The following GGA1 variants were observed in gnomAD, a reference collection of about 807,000 sequenced individuals.
GGA1 encodes the protein golgi associated, gamma adaptin ear containing, ARF binding protein 1.
In GGA1, 18 loss-of-function variants were observed where a neutral mutation model predicts 76.9. That is an observed-to-expected ratio of 0.23 (90% confidence interval 0.16 to 0.35). GGA1 has a LOEUF of 0.35. Ranked by LOEUF, GGA1 falls within the 10% of genes least tolerant of loss-of-function variation. The pLI, the probability that GGA1 is intolerant of heterozygous loss-of-function variation, is 1.00. For synonymous variants in GGA1, 342 were observed against 354.7 expected (o/e 0.96, Z 0.40); for missense variants, 755 against 859.0 (o/e 0.88, Z 1.51).
At position 37,630,019 on chromosome 22, in the gene GGA1, C is replaced by T. The variant is rs751250760; in HGVS notation, c.1180C>T (p.Pro394Ser). 1 of 1,579,198 alleles carries T rather than the reference C, an allele frequency of 6.3e-7. No homozygotes were observed. The highest frequency in any genetic ancestry group is 1.4e-5 in the African/African-American group (1 of 73,294). ...SFQSSDATEP[P>S]APALAQAPSM... ...ACAGTCGTCGGATGCCACTGAGCCC[C>T]CAGCCCCTGCTCTGGCCCAGGCCCC... The change falls in exon 13 of 17, where the codon CCA becomes TCA. Residue 394 changes from proline to serine, a missense_variant. Transcript: ENST00000343632.
rs771227422 is a variant in GGA1, at chr22:37,620,407, TC to T, written c.427+51del. The stretch of plus-strand genomic sequence containing the variant: ...GGGGCGACCAGGGCCTGCCTTCCCC[TC>T]CCCCACCATGAGCTGGGGCTCCAGC... On this transcript the variant is annotated intron_variant, in intron 5 of 16. Transcript: ENST00000343632. 1.9e-6 allele frequency: 3 copies of T among 1,605,068 alleles called. No homozygotes were observed. In the Admixed American group the frequency reaches 5.0e-5, roughly 27 times the overall value.
intron 1 of GGA1, chr22:37,612,906 A>C (rs1449860065): frequency 1.0e-6 from 1 of 985,016 alleles, no homozygotes; most frequent in Non-Finnish European, 1.2e-6. Context: ...TCGTGTTTAC[A>C]CCACTTCATG....
At position 37,620,228 on chromosome 22, in the gene GGA1, GT is replaced by G. The variant is rs1929629846; in HGVS notation, c.304-9del. On this transcript the variant is annotated splice_polypyrimidine_tract_variant and intron_variant, in intron 4 of 16. Coordinates refer to ENST00000343632, the MANE Select transcript of GGA1 (RefSeq NM_013365.5). ...GCAGTATCAAAGGCCTCCCCACTGTGTCCCTGAAGTATCTGGGCTCTCGGAC... is the reference window on the plus strand; with the variant it reads ...GCAGTATCAAAGGCCTCCCCACTGTGCCCTGAAGTATCTGGGCTCTCGGAC... 1 of 1,613,826 alleles carries G rather than the reference GT, an allele frequency of 6.2e-7. No homozygotes were observed. The highest frequency in any genetic ancestry group is 1.3e-5 in the African/African-American group (1 of 74,882).
At position 37,617,282 on chromosome 22, in the gene GGA1, G is replaced by A. The variant is rs372705285; in HGVS notation, c.204+285G>A. On this transcript the variant is annotated intron_variant, in intron 3 of 16. Transcript: ENST00000343632. The stretch of plus-strand genomic sequence containing the variant: ...AGCTGCACATCGGCTGCCTCTCCAG[G>A]AAGCGTGTTCAACACATGGAATCAG... The A allele has an allele frequency of 2.2e-4, 293 of 1,323,476 alleles. No homozygotes were observed. The African/African-American group carries it at 3.7e-3, about 17-fold the overall frequency. 82.0% of individuals were successfully genotyped at this position (1,323,476 alleles called of 1,614,324 possible).
At chr22:37,610,831 A>G (rs1927392854) in intron 1 of GGA1, 1 of 152,248 alleles carries the variant, frequency 6.6e-6, no homozygotes, top group Admixed American at 6.5e-5. Context: ...GGTAGAATTA[A>G]GAGGGCTGAG....
intron 7 of GGA1, 146 bp downstream of exon 7, chr22:37,621,842 A>C (rs1279968489): frequency 1.8e-6 from 1 of 545,928 alleles, no homozygotes; most frequent in Non-Finnish European, 3.2e-6. Context: ...CTGGGGGACC[A>C]GGGTGTGCAG....
At chr22:37,622,319 A>G (rs896948668) in intron 7 of GGA1, among the ~76,000 whole-genome samples, 2 of 151,948 alleles carry the variant, frequency 1.3e-5, no homozygotes, top group African/African-American at 4.8e-5. Context: ...GGGCTCAAGC[A>G]ATCTGCCTGC....
intron 3 of GGA1, 180 bp from the exon 4 acceptor site, chr22:37,618,268 C>T: frequency 1.7e-6 from 1 of 584,892 alleles, no homozygotes; most frequent in Non-Finnish European, 3.1e-6. Flanking sequence ...ACCCTATCTC[C>T]CATGGGAGTG....
intron 7 of GGA1, among the ~76,000 whole-genome samples, chr22:37,621,958 A>T (rs1043639145): frequency 2.0e-5 from 3 of 152,094 alleles, no homozygotes; most frequent in Admixed American, 6.5e-5. Flanking sequence ...GTATATTTTT[A>T]AAAATACTAA....
In GGA1 at chr22:37,614,260, C is replaced by T. The variant is rs755593889; in HGVS notation, c.114C>T (p.Asn38=). Residue 38 remains asparagine, a synonymous_variant, in exon 2 of 17, where the codon AAC becomes AAT. Coordinates refer to ENST00000343632, the MANE Select transcript of GGA1 (RefSeq NM_013365.5). ...TCAACGGCTTCTGCGAGCAGCTCAA[C>T]GAGGACTTTGAGGGGTAGGTGGCCG... The part of the protein sequence containing the change: ...ASINGFCEQL[N]EDFEGPPLAT... 6.1e-5 allele frequency: 98 copies of T among 1,612,948 alleles called. No homozygotes were observed. The highest frequency in any genetic ancestry group is 1.3e-4 in the East Asian group (6 of 44,880).
chr22:37,614,879 T>C (rs1270353718), intron 2 of GGA1, among the ~76,000 whole-genome samples: 1 of 152,020 alleles, frequency 6.6e-6, no homozygotes, highest in Admixed American at 6.5e-5. Flanking sequence ...CTCAGGAGGC[T>C]GAGGCAGGAG....
intron 3 of GGA1, chr22:37,617,594 G>A: frequency 1.1e-6 from 1 of 932,160 alleles, no homozygotes; most frequent in African/African-American, 1.8e-5. Flanking sequence ...AGCACTTGGG[G>A]AGGCCAAGGC....
At chr22:37,612,788 T>A in intron 1 of GGA1, 5 of 387,314 alleles carry the variant, frequency 1.3e-5, no homozygotes, top group Middle Eastern at 1.2e-3. Context: ...AAAAAAAAAA[T>A]CCATATTTCA....
intron 12 of GGA1, among the ~76,000 whole-genome samples, 196 bp from the exon 13 acceptor site, chr22:37,629,802 G>C (rs1199117004): frequency 6.6e-6 from 1 of 152,220 alleles, no homozygotes; most frequent in Non-Finnish European, 1.5e-5. Context: ...GAGGGTGACA[G>C]AGGTCCCTGG....
chr22:37,632,193 C>T lies in GGA1; in HGVS notation c.1698+28C>T, dbSNP rs1931938351. On this transcript the variant is annotated intron_variant, in intron 15 of 16. Coordinates refer to ENST00000343632, the MANE Select transcript of GGA1 (RefSeq NM_013365.5). The surrounding 1 kb of genome is among the most constrained non-coding windows in gnomAD (Gnocchi z 5.1). ...GACAAGCCAGTCGGACAGGGCATGC[C>T]TCCCTCCTCTCAAGGCAGGGTGACA... is the stretch of plus-strand genomic sequence containing the variant. The T allele has an allele frequency of 1.3e-6, 2 of 1,593,214 alleles. No homozygotes were observed. The highest frequency in any genetic ancestry group is 2.2e-5 in the East Asian group (1 of 44,540).
rs528919808 is a variant in GGA1, at chr22:37,626,037, G to A, written c.1093+88G>A. ...GCCCACTCACAGCTAGCGGAACCAC[G>A]TACCCCAGGTGTGGATCCTGTGGGG... is the stretch of plus-strand genomic sequence containing the variant. On this transcript the variant is annotated intron_variant, in intron 11 of 16. Coordinates refer to ENST00000343632, the MANE Select transcript of GGA1 (RefSeq NM_013365.5). 9.2e-5 allele frequency: 100 copies of A among 1,085,800 alleles called. 1 individual carries two copies. In the African/African-American group the frequency reaches 9.3e-4, roughly 10 times the overall value. The allele number at this position is 1,085,800 out of a possible 1,614,324, so 67.3% of individuals were successfully genotyped here. A position where few individuals can be genotyped will look rare whatever the true frequency, so the allele number is the denominator to read the frequency against.
At chr22:37,622,268 A>G (rs1055061953) in intron 7 of GGA1, among the ~76,000 whole-genome samples, 1 of 151,290 alleles carries the variant, frequency 6.6e-6, no homozygotes, top group Non-Finnish European at 1.5e-5. Flanking sequence ...TTTTGTGGAG[A>G]AGGGGTTTCG....
At chr22:37,621,752 C>G (rs900137780) in intron 7 of GGA1, 56 bp downstream of exon 7, 1 of 1,171,418 alleles carries the variant, frequency 8.5e-7, no homozygotes. Context: ...TTGAGCTGGG[C>G]CACTGAGATG....
chr22:37,615,427 C>T (rs1033076436), intron 2 of GGA1, among the ~76,000 whole-genome samples: 4 of 148,368 alleles, frequency 2.7e-5, no homozygotes, highest in Admixed American at 6.7e-5. Context: ...CCAGCCTGGG[C>T]GACGGAGTGA....
Sources: gnomAD v4.1 joint callset for allele counts (sites outside exome capture counted in the v4.1 genomes callset) on GRCh38, gnomAD v4.1.1 for gene constraint, Gnocchi (gnomAD v3.1) non-coding constraint, MANE v1.5 for transcripts, NCBI Gene and HGNC (gene_info 2026-07-23, HGNC 2026-07-21) for gene names.